PKD1L1: variants seen among roughly 807,000 people sequenced by gnomAD.
The protein encoded by PKD1L1 is polycystin 1 like 1, transient receptor potential channel interacting, also known as polycystin-1-like protein 1.
PKD1L1 carries 236 observed loss-of-function variants against 323.4 expected under a neutral mutation model. That is an observed-to-expected ratio of 0.73 (90% CI 0.66 to 0.81). PKD1L1 has a LOEUF of 0.81. Among genes scored for constraint, PKD1L1 ranks in the 40% least tolerant of loss-of-function variants. The pLI is 0.00. For synonymous variants in PKD1L1, 1,344 were observed against 1,335.0 expected, an observed-to-expected ratio of 1.01 and a Z score of -0.15; for missense variants, 3,320 against 3,508.0, an observed-to-expected ratio of 0.95 and a Z score of 1.35.
chr7:47,857,567 T>A lies in PKD1L1; in HGVS notation c.4590+38A>T, dbSNP rs186538245. On this transcript the variant is annotated intron_variant, in intron 28 of 56. Transcript: ENST00000289672. ...AAGCCCAATTACTGCAAATTTGAAA[T>A]GGTCATTAGAAGTGGCAGGTCATCT... The A allele has an allele frequency of 1.9e-6, 3 of 1,548,822 alleles. No individual in the cohort carries two copies. The East Asian group carries it at 6.8e-5, about 35-fold the overall frequency.
chr7:47,863,584 G>C (rs1277579136), intron 26 of PKD1L1, among the ~76,000 whole-genome samples: 1 of 152,160 alleles, frequency 6.6e-6, no homozygotes, highest in East Asian at 1.9e-4. Context: ...CCCCAAAGCA[G>C]ATTGAGCCCC....
chr7:47,867,926 G>A (rs1786201600), intron 24 of PKD1L1, among the ~76,000 whole-genome samples: 1 of 152,146 alleles, frequency 6.6e-6, no homozygotes. Context: ...AAAAAAGTAG[G>A]AAGAAAATGA....
At chr7:47,910,826 T>TTGTGTGTGTGTGTGTGTGTGTGTGTGTG (rs60550498) in intron 8 of PKD1L1, among the ~76,000 whole-genome samples, 4 of 126,082 alleles carry the variant, frequency 3.2e-5, no homozygotes, top group African/African-American at 1.0e-4. Context: ...CCAGCTGATT[T>TTGTGTGTGTGTGTGTGTGTGTGTGTGTG]TGTGTGTGTG....
At chr7:47,865,382 G>A (rs1490833313) in intron 25 of PKD1L1, 110 bp from the exon 26 acceptor site, 1 of 954,186 alleles carries the variant, frequency 1.0e-6, no homozygotes, top group Non-Finnish European at 1.6e-6. Context: ...CAGATTCCCT[G>A]CTTTTTGGCC....
chr7:47,812,028 G>C lies in PKD1L1; in HGVS notation c.7370C>G (p.Ser2457Cys), dbSNP rs1198626025. The C allele has an allele frequency of 6.4e-7, 1 of 1,568,100 alleles. No individual in the cohort carries two copies. The highest frequency in any genetic ancestry group is 1.4e-5 in the African/African-American group (1 of 73,822). ...AATCCACATGCTGGCCCTGAGTCGG[G>C]ACAGGGCTGTGTGGGCTTCAGTCCT... ...RTRTEAHTAL[S>C]RLRASMWIDR... Residue 2457 changes from serine to cysteine, a missense_variant, in exon 50 of 57, where the codon TCC (serine) becomes TGC (cysteine). Transcript: ENST00000289672.
intron 56 of PKD1L1, among the ~76,000 whole-genome samples, chr7:47,783,455 A>C (rs1786741021): frequency 1.3e-5 from 2 of 152,224 alleles, no homozygotes; most frequent in Non-Finnish European, 2.9e-5. Context: ...TACTTTCTTC[A>C]AATATTTACA....
At chr7:47,915,190 G>A (rs1325205232) in intron 8 of PKD1L1, among the ~76,000 whole-genome samples, 3 of 152,206 alleles carry the variant, frequency 2.0e-5, no homozygotes, top group Admixed American at 6.5e-5. Flanking sequence ...AGGCGCGTGG[G>A]AATGAGACAG....
intron 33 of PKD1L1, 106 bp downstream of exon 33, chr7:47,844,888 GT>G: frequency 2.6e-6 from 2 of 779,482 alleles, no homozygotes; most frequent in Non-Finnish European, 4.0e-6. Context: ...TGCAATGATA[GT>G]AAGTAACATG....
intron 26 of PKD1L1, among the ~76,000 whole-genome samples, chr7:47,862,731 G>A (rs907679286): frequency 3.9e-5 from 6 of 152,116 alleles, no homozygotes; most frequent in Non-Finnish European, 8.8e-5. Context: ...CCAAGGGGAG[G>A]GCACAGCGGG....
chr7:47,804,595 G>A (rs561054033), intron 52 of PKD1L1, among the ~76,000 whole-genome samples: 24 of 149,968 alleles, frequency 1.6e-4, no homozygotes, highest in Middle Eastern at 3.5e-3. Context: ...TCAGCCTACC[G>A]AGTAGCTGGG....
intron 4 of PKD1L1, among the ~76,000 whole-genome samples, chr7:47,933,624 G>C (rs1787813747): frequency 6.6e-6 from 1 of 152,090 alleles, no homozygotes; most frequent in African/African-American, 2.4e-5. Flanking sequence ...TCTTCACCAT[G>C]ATCAGCCTTC....
chr7:47,948,724 A>G (rs1788152150), upstream of PKD1L1, among the ~76,000 whole-genome samples: 1 of 152,182 alleles, frequency 6.6e-6, no homozygotes, highest in Admixed American at 6.5e-5. Flanking sequence ...TTGGGAGGCC[A>G]AGGTGGGTGG....
At chr7:47,899,043 C>T (rs1423770301) in intron 13 of PKD1L1, among the ~76,000 whole-genome samples, 1 of 152,188 alleles carries the variant, frequency 6.6e-6, no homozygotes, top group African/African-American at 2.4e-5. Flanking sequence ...GAAGCTGGGG[C>T]ACTAGTTACT....
At chr7:47,878,690 G>A (rs1311068484) in intron 21 of PKD1L1, among the ~76,000 whole-genome samples, 3 of 152,180 alleles carry the variant, frequency 2.0e-5, no homozygotes, top group Non-Finnish European at 2.9e-5. Context: ...TCTTATACTG[G>A]GCTTAGGAAG....
intron 7 of PKD1L1, among the ~76,000 whole-genome samples, chr7:47,916,113 C>T (rs1323884759): frequency 6.6e-6 from 1 of 152,112 alleles, no homozygotes; most frequent in Non-Finnish European, 1.5e-5. Flanking sequence ...TATCAAAGAC[C>T]AAAACTACTG....
chr7:47,949,368 C>CAAAAAAAAAAAAAA (rs58131581), upstream of PKD1L1, among the ~76,000 whole-genome samples: 574 of 57,088 alleles, frequency 0.01, 109 homozygotes, highest in African/African-American at 0.029. Context: ...GGCTCTGTCT[C>CAAAAAAAAAAAAAA]AAAAAAAAAA....
intron 56 of PKD1L1, among the ~76,000 whole-genome samples, chr7:47,786,662 T>G (rs756201568): frequency 6.6e-6 from 1 of 152,102 alleles, no homozygotes; most frequent in African/African-American, 2.4e-5. Context: ...AAGAGGAAAA[T>G]ATGTGGAGGA....
At chr7:47,811,422 T>G (rs1341206809) in intron 50 of PKD1L1, among the ~76,000 whole-genome samples, 3 of 152,174 alleles carry the variant, frequency 2.0e-5, no homozygotes, top group Non-Finnish European at 4.4e-5. Context: ...CCCAAAGTGC[T>G]GAGATTACAG....
At chr7:47,800,592 A>T in intron 54 of PKD1L1, 57 bp downstream of exon 54, 1 of 1,553,552 alleles carries the variant, frequency 6.4e-7, no homozygotes, top group Non-Finnish European at 8.9e-7. Flanking sequence ...TTTCACCCCA[A>T]CAGCAAATGA....
Sources: gnomAD v4.1 joint callset for allele counts (sites outside exome capture counted in the v4.1 genomes callset) on GRCh38, gnomAD v4.1.1 for gene constraint, MANE v1.5 for transcripts, NCBI Gene and HGNC (gene_info 2026-07-23, HGNC 2026-07-21) for gene names.